COL1A2: variants seen among roughly 807,000 people sequenced by gnomAD.
The protein encoded by COL1A2 is collagen type I alpha 2 chain.
A neutral mutation model predicts 174.3 loss-of-function variants in COL1A2; 49 were observed. The ratio of observed to expected loss-of-function variants is 0.28; its 90% CI spans 0.22 to 0.36. The LOEUF is 0.36. COL1A2 is among the 10% of genes least tolerant of loss of function. The pLI is 1.00. For missense variants in COL1A2, 1,438 were observed against 1,822.7 expected (o/e 0.79, Z 3.84); for synonymous variants, 655 against 606.6 (o/e 1.08, Z -1.17).
rs202111683 is a variant in COL1A2 at position 94,426,952 on chromosome 7, A to T, written c.3106-56A>T. Reference sequence around the variant, plus strand: ...CCATTCAATTTGGAAAAAAAAAAAAAATATGTCTCTTGACATGTGCTCTGA... The same window carrying T: ...CCATTCAATTTGGAAAAAAAAAAAATATATGTCTCTTGACATGTGCTCTGA... On this transcript the variant is annotated intron_variant, in intron 46 of 51. Transcript: ENST00000297268. 1.2e-4 allele frequency: 168 copies of T among 1,377,762 alleles called. 2 individuals are homozygous for T. The highest frequency in any genetic ancestry group is 6.6e-4 in the Admixed American group (36 of 54,496). 85.3% of individuals were successfully genotyped at this position (1,377,762 alleles called of 1,614,324 possible). A position where few individuals can be genotyped will look rare whatever the true frequency, so the allele number is the denominator to read the frequency against.
rs1554398702 is a variant in COL1A2, at chr7:94,428,422, G to A, written c.3656G>A (p.Ser1219Asn). 6.2e-7 allele frequency: 1 copy of A among 1,614,136 alleles called. No homozygotes were observed. Among genetic ancestry groups the A allele is most frequent in the Non-Finnish European group, 8.5e-7 (1 of 1,180,010 alleles). Residue 1219 changes from serine (S) to asparagine (N), a missense_variant, in exon 50 of 52, where the codon AGC becomes AAC. Coordinates refer to ENST00000297268, the MANE Select transcript of COL1A2 (RefSeq NM_000089.4). ...ATCCCAGCCAAGAACTGGTATAGGA[G>A]CTCCAAGGACAAGAAACACGTCTGG... ...ENIPAKNWYR[S>N]SKDKKHVWLG...
chr7:94,428,061 A>G (rs1199098706), intron 49 of COL1A2, among the ~76,000 whole-genome samples, 176 bp downstream of exon 49: 1 of 152,200 alleles, frequency 6.6e-6, no homozygotes, highest in Non-Finnish European at 1.5e-5. Context: ...CATTTCCCTT[A>G]AAATGTATTT....
intron 11 of COL1A2, 113 bp from the exon 12 acceptor site, chr7:94,406,137 T>C: frequency 9.3e-7 from 1 of 1,074,458 alleles, no homozygotes; most frequent in Non-Finnish European, 1.4e-6. Context: ...TTCTTTCTAC[T>C]GCAGCAGACA....
intron 28 of COL1A2, 96 bp from the exon 29 acceptor site, chr7:94,414,126 G>A: frequency 7.2e-7 from 1 of 1,387,620 alleles, no homozygotes; most frequent in Non-Finnish European, 1.0e-6. Flanking sequence ...TCGTGCTCAT[G>A]TTGATATTTG....
rs548761767 is a variant in COL1A2, at chr7:94,427,629, C to G, written c.3270C>G (p.Gly1090=). The G allele has an allele frequency of 6.2e-7, 1 of 1,613,830 alleles. No individual in the cohort carries two copies. The highest frequency in any genetic ancestry group is 8.5e-7 in the Non-Finnish European group (1 of 1,179,828). The change falls in exon 49 of 52, where the codon GGC becomes GGG. Residue 1090 remains glycine (G), a splice_region_variant and synonymous_variant. Coordinates refer to ENST00000297268, the MANE Select transcript of COL1A2 (RefSeq NM_000089.4). ...CTATCTCACTTTCACCTTTGCAGGGCCCCCCTGGTCCCCCTGGCCCTCCTG... is the reference window on the plus strand; with the variant it reads ...CTATCTCACTTTCACCTTTGCAGGGGCCCCCTGGTCCCCCTGGCCCTCCTG... ...RGPQGHQGPA[G]PPGPPGPPGP... is the part of the protein sequence containing the mutation.
In COL1A2 at chr7:94,426,404, T is replaced by A. The variant is rs768118794; in HGVS notation, c.2998-19T>A. On this transcript the variant is annotated intron_variant, in intron 45 of 51. Coordinates refer to ENST00000297268, the MANE Select transcript of COL1A2 (RefSeq NM_000089.4). ...TTTTTAAAACGGTAAGTCTTATCCA[T>A]CCTTCTGTTTCTTTATAGGGCCCAC... 3.2e-6 allele frequency: 5 copies of A among 1,567,712 alleles called. No homozygotes were observed. The highest frequency in any genetic ancestry group is 4.3e-6 in the Non-Finnish European group (5 of 1,153,456).
chr7:94,405,933 C>T (rs1791784658), intron 11 of COL1A2, among the ~76,000 whole-genome samples: 1 of 152,124 alleles, frequency 6.6e-6, no homozygotes, highest in South Asian at 2.1e-4. Flanking sequence ...AAAACAGGCT[C>T]ACTACAGAGA....
chr7:94,401,693 G>A (rs745596805), intron 6 of COL1A2, 73 bp downstream of exon 6: 336 of 1,132,332 alleles, frequency 3.0e-4, no homozygotes, highest in Non-Finnish European at 4.0e-4. Flanking sequence ...ATTTTACCAC[G>A]CCATTTATTT....
chr7:94,413,560 G>A (rs1791976662), intron 26 of COL1A2, 130 bp from the exon 27 acceptor site: 3 of 902,088 alleles, frequency 3.3e-6, no homozygotes, highest in Non-Finnish European at 5.4e-6. Context: ...GCTTTCGTGG[G>A]AACCCACAAT....
Position 94,408,753 on chromosome 7 carries a change from T to C in COL1A2, c.739-17T>C. On this transcript the variant is annotated splice_polypyrimidine_tract_variant and intron_variant, in intron 15 of 51. Transcript: ENST00000297268. Reference sequence around the variant, plus strand: ...TACTTGGAGGAAATTTCTTACCACCTTCTGCTTTGATTTCAGGGTCCCATT... The same window carrying C: ...TACTTGGAGGAAATTTCTTACCACCCTCTGCTTTGATTTCAGGGTCCCATT... 6.2e-7 allele frequency: 1 copy of C among 1,613,752 alleles called. No individual in the cohort carries two copies. Among genetic ancestry groups the C allele is most frequent in the East Asian group, 2.2e-5 (1 of 44,836 alleles).
intron 4 of COL1A2, among the ~76,000 whole-genome samples, chr7:94,399,358 A>G (rs1471654102): frequency 6.6e-6 from 1 of 152,216 alleles, no homozygotes; most frequent in South Asian, 2.1e-4. Flanking sequence ...CATCCAACAC[A>G]TGCATAATGG....
intron 6 of COL1A2, among the ~76,000 whole-genome samples, chr7:94,403,059 T>C (rs1045700042): frequency 6.6e-6 from 1 of 152,170 alleles, no homozygotes; most frequent in African/African-American, 2.4e-5. Flanking sequence ...CAGCTAATGC[T>C]GGACATTAGT....
chr7:94,421,158 A>G (rs965534998), intron 38 of COL1A2, 96 bp downstream of exon 38: 12 of 1,254,842 alleles, frequency 9.6e-6, no homozygotes, highest in African/African-American at 1.5e-5. Context: ...TTGGACTACC[A>G]TGAGGAAACT....
chr7:94,422,077 T>C (rs1792176073), intron 39 of COL1A2, 125 bp downstream of exon 39: 5 of 718,508 alleles, frequency 7.0e-6, no homozygotes, highest in African/African-American at 1.8e-5. Flanking sequence ...TCTCCTGGTC[T>C]GAAGTCAGCT....
chr7:94,407,873 T>G lies in COL1A2; in HGVS notation c.621T>G (p.Asn207Lys). Residue 207 changes from asparagine (N) to lysine (K), a missense_variant, in exon 13 of 52, where the codon AAT becomes AAG. This residue lies in a region of COL1A2 where 281 missense variants were observed against 310.9 expected (regional missense o/e 0.90). Transcript: ENST00000297268. ...VKGEPGAPGE[N>K]GTPGQTGARG... ...GTGAACCTGGTGCCCCTGGTGAAAA[T>G]GGAACTCCAGGTCAAACAGTAAGTA... 6.2e-7 allele frequency: 1 copy of G among 1,613,936 alleles called. No individual in the cohort carries two copies. Among genetic ancestry groups the G allele is most frequent in the Non-Finnish European group, 8.5e-7 (1 of 1,179,888 alleles).
At chr7:94,410,158 C>A in intron 19 of COL1A2, 84 bp from the exon 20 acceptor site, 1 of 1,407,748 alleles carries the variant, frequency 7.1e-7, no homozygotes, top group Non-Finnish European at 1.0e-6. Context: ...TTTACCTTGA[C>A]CCACAAATAT....
intron 31 of COL1A2, chr7:94,416,733 GAATT>G: frequency 1.8e-6 from 1 of 559,876 alleles, no homozygotes; most frequent in South Asian, 2.2e-5. Context: ...AAACATAAAT[GAATT>G]AGTATGGGTT....
chr7:94,422,108 T>A, intron 39 of COL1A2, 156 bp downstream of exon 39: 1 of 580,352 alleles, frequency 1.7e-6, no homozygotes, highest in Non-Finnish European at 3.0e-6. Context: ...ATTAAGGTAT[T>A]TCATCACAAG....
Position 94,429,324 on chromosome 7 carries a change from C to A in COL1A2, c.3848C>A (p.Thr1283Asn), listed in dbSNP as rs1447589636. Residue 1283 changes from threonine to asparagine, a missense_variant, in exon 51 of 52, where the codon ACT becomes AAT. Around this residue, in one of 3 missense-constraint regions of COL1A2, gnomAD observed 290 missense variants for 298.1 expected, o/e 0.97. Transcript: ENST00000297268. ...AGCATTGCATACATGGATGAGGAGA[C>A]TGGCAACCTGAAAAAGGCTGTCATT... ...KNSIAYMDEE[T>N]GNLKKAVILQ... 1 of 1,613,958 alleles carries A rather than the reference C, an allele frequency of 6.2e-7. No homozygotes were observed. The highest frequency in any genetic ancestry group is 1.3e-5 in the African/African-American group (1 of 74,896).
Sources: allele counts gnomAD v4.1 joint callset (sites outside exome capture counted in the v4.1 genomes callset), GRCh38; gene constraint gnomAD v4.1.1; regional missense constraint gnomAD v4.1.1; transcripts MANE v1.5; gene names NCBI Gene and HGNC (gene_info 2026-07-23, HGNC 2026-07-21).